The following PTPRS variants were observed in gnomAD, a reference collection of about 807,000 sequenced individuals.
PTPRS encodes receptor-type tyrosine-protein phosphatase S.
Under a neutral mutation model 215.3 loss-of-function variants are expected in PTPRS, and 63 were observed. The ratio of observed to expected loss-of-function variants is 0.29; its 90% CI spans 0.24 to 0.36. PTPRS has a LOEUF of 0.36. Among genes scored for constraint, PTPRS ranks in the 10% least tolerant of loss-of-function variants. PTPRS has a pLI of 1.00. For missense variants in PTPRS, 2,258 were observed against 2,825.8 expected, an observed-to-expected ratio of 0.80 and a Z score of 4.56; for synonymous variants, 1,404 against 1,191.4, an observed-to-expected ratio of 1.18 and a Z score of -3.68.
chr19:5,327,643 A>G (rs1193947582), intron 1 of PTPRS, among the ~76,000 whole-genome samples: 2 of 151,948 alleles, frequency 1.3e-5, no homozygotes, highest in Non-Finnish European at 2.9e-5. Context: ...TCGCTCTGTT[A>G]CCCAGAGTGC....
chr19:5,339,226 A>G lies in PTPRS; in HGVS notation c.-95+1438T>C, dbSNP rs1182293092. 1.3e-5 allele frequency among the ~76,000 whole-genome samples: 2 copies of G among 151,844 alleles called. No homozygotes were observed. Among genetic ancestry groups the G allele is most frequent in the African/African-American group, 2.4e-5 (1 of 41,336 alleles). On this transcript the variant is annotated intron_variant, in intron 1 of 37. Coordinates refer to ENST00000262963, the MANE Select transcript of PTPRS (RefSeq NM_002850.4). This position sits in a 1 kb window ranked among gnomAD's most constrained non-coding sequence, Gnocchi z 4.2. ...ACAGGGGAATCCCAGCTGAGCCCAG[A>G]AGGGGGAGGCAAGGCACCCCCAATG...
At chr19:5,324,300 A>G (rs1453455207) in intron 1 of PTPRS, among the ~76,000 whole-genome samples, 1 of 151,402 alleles carries the variant, frequency 6.6e-6, no homozygotes, top group East Asian at 1.9e-4. Context: ...TACTCAGCGC[A>G]CAGTCCGGCA....
chr19:5,333,169 A>C (rs1045403317), intron 1 of PTPRS, among the ~76,000 whole-genome samples: 79 of 150,092 alleles, frequency 5.3e-4, no homozygotes, highest in Non-Finnish European at 2.5e-4. Context: ...AAAATAAAAA[A>C]TAAATAAAAA....
At position 5,293,325 on chromosome 19, in the gene PTPRS, G is replaced by A. The variant is rs1477484496; in HGVS notation, c.-94-7091C>T. ...GGGCTGTAGGGGGCGGGGTTGCAGT[G>A]GGCGGGGCTGCAGGGGACGGGCCCC... On this transcript the variant is annotated intron_variant, in intron 1 of 37. Coordinates refer to ENST00000262963, the MANE Select transcript of PTPRS (RefSeq NM_002850.4). This position sits in a 1 kb window ranked among gnomAD's most constrained non-coding sequence, Gnocchi z 8.4. The A allele has an allele frequency of 1.1e-4, 16 of 151,160 alleles. No individual in the cohort carries two copies. The highest frequency in any genetic ancestry group is 2.1e-4 in the Non-Finnish European group (14 of 67,562). 9.4% of individuals were successfully genotyped at this position (151,160 alleles called of 1,614,324 possible). A position where few individuals can be genotyped will look rare whatever the true frequency, so the allele number is the denominator to read the frequency against.
Position 5,292,283 on chromosome 19 carries a change from A to G in PTPRS, c.-94-6049T>C, listed in dbSNP as rs138987385. 2.4e-4 allele frequency among the ~76,000 whole-genome samples: 36 copies of G among 152,344 alleles called. No individual in the cohort carries two copies. The East Asian group carries it at 5.8e-3, about 25-fold the overall frequency. On this transcript the variant is annotated intron_variant, in intron 1 of 37. Coordinates refer to ENST00000262963, the MANE Select transcript of PTPRS (RefSeq NM_002850.4). ...GGTTTCAGAGGTAGAAACTGAGACCATAGACAGAGACCACCCCAGGCAATG... is the reference window on the plus strand; with the variant it reads ...GGTTTCAGAGGTAGAAACTGAGACCGTAGACAGAGACCACCCCAGGCAATG...
intron 13 of PTPRS, among the ~76,000 whole-genome samples, chr19:5,232,813 A>G (rs1472591086): frequency 2.0e-5 from 3 of 151,912 alleles, no homozygotes; most frequent in African/African-American, 7.3e-5. Flanking sequence ...AAAATAATCT[A>G]TATGTCAAAC....
chr19:5,303,070 A>T (rs953059792), intron 1 of PTPRS, among the ~76,000 whole-genome samples: 1 of 151,908 alleles, frequency 6.6e-6, no homozygotes, highest in African/African-American at 2.4e-5. Flanking sequence ...ACCCCGTCTC[A>T]AAAACAAAAA....
intron 2 of PTPRS, among the ~76,000 whole-genome samples, chr19:5,276,734 G>A (rs1389773941): frequency 6.6e-6 from 1 of 151,698 alleles, no homozygotes; most frequent in Non-Finnish European, 1.5e-5. Flanking sequence ...GTAGAGATGG[G>A]GGTTTCACCG....
intron 2 of PTPRS, among the ~76,000 whole-genome samples, chr19:5,283,211 T>C (rs2048020467): frequency 7.0e-6 from 1 of 143,264 alleles, no homozygotes; most frequent in Admixed American, 6.9e-5. Flanking sequence ...AAGGCCCCAC[T>C]GGACCTGAAG....
chr19:5,229,605 C>A lies in PTPRS; in HGVS notation c.2235G>T (p.Ala745=). The A allele has an allele frequency of 1.4e-6, 2 of 1,419,946 alleles. No homozygotes were observed. The highest frequency in any genetic ancestry group is 2.8e-5 in the Admixed American group (1 of 35,946). 88.0% of individuals were successfully genotyped at this position (1,419,946 alleles called of 1,614,324 possible). The stretch of plus-strand genomic sequence containing the variant: ...GGATCTGGCCGTGCTGCCGGCCGGG[C>A]GCGGGCGAGCGCCACAGCACGCGGA... ...TAIRVLWRSP[A]PGRQHGQIRG... Residue 745 remains alanine, a synonymous_variant, in exon 15 of 38, where the codon GCG becomes GCT. Coordinates refer to ENST00000262963, the MANE Select transcript of PTPRS (RefSeq NM_002850.4).
At chr19:5,246,486 C>G (rs2044491918) in intron 9 of PTPRS, among the ~76,000 whole-genome samples, 1 of 152,252 alleles carries the variant, frequency 6.6e-6, no homozygotes, top group South Asian at 2.1e-4. Flanking sequence ...ACAGCAGTGG[C>G]TTCAGGGAGC....
At chr19:5,247,620 C>G (rs1048386375) in intron 9 of PTPRS, among the ~76,000 whole-genome samples, 1 of 152,096 alleles carries the variant, frequency 6.6e-6, no homozygotes, top group Non-Finnish European at 1.5e-5. Context: ...ACTGGAGGCT[C>G]AGTTAGGATC....
rs561585885 is a variant in PTPRS at position 5,293,247 on chromosome 19, C to G, written c.-94-7013G>C. ...CCCGGAGCGCGGCGCGCAGCGAAGACTCGGGAGAGGCCTCGGCCTGGGGAG... is the reference window on the plus strand; with the variant it reads ...CCCGGAGCGCGGCGCGCAGCGAAGAGTCGGGAGAGGCCTCGGCCTGGGGAG... On this transcript the variant is annotated intron_variant, in intron 1 of 37. Transcript: ENST00000262963. The surrounding 1 kb of genome is among the most constrained non-coding windows in gnomAD (Gnocchi z 8.4). The G allele has an allele frequency of 1.3e-5, 2 of 150,780 alleles. No homozygotes were observed. The highest frequency in any genetic ancestry group is 2.1e-4 in the South Asian group (1 of 4,762). 9.3% of individuals were successfully genotyped at this position (150,780 alleles called of 1,614,324 possible).
chr19:5,268,187 A>T (rs62115094), intron 4 of PTPRS, among the ~76,000 whole-genome samples: 43,119 of 150,150 alleles, frequency 0.29, 6,325 homozygotes, highest in Admixed American at 0.37. Context: ...ATAAATAAAT[A>T]AATTAATTAA....
At position 5,293,339 on chromosome 19, in the gene PTPRS, G is replaced by T. The variant is rs1460226673; in HGVS notation, c.-94-7105C>A. 1.3e-5 allele frequency: 2 copies of T among 151,200 alleles called. No homozygotes were observed. The highest frequency in any genetic ancestry group is 1.3e-4 in the Admixed American group (2 of 15,228). 9.4% of individuals were successfully genotyped at this position (151,200 alleles called of 1,614,324 possible). A position where few individuals can be genotyped will look rare whatever the true frequency, so the allele number is the denominator to read the frequency against. On this transcript the variant is annotated intron_variant, in intron 1 of 37. Transcript: ENST00000262963. The surrounding 1 kb of genome is among the most constrained non-coding windows in gnomAD (Gnocchi z 8.4). ...GGGGTTGCAGTGGGCGGGGCTGCAG[G>T]GGACGGGCCCCGAGGAGGGGGATTG...
Position 5,215,342 on chromosome 19 carries a change from T to G in PTPRS, c.4265A>C (p.Tyr1422Ser). 6.2e-7 allele frequency: 1 copy of G among 1,614,178 alleles called. No individual in the cohort carries two copies. The highest frequency in any genetic ancestry group is 8.5e-7 in the Non-Finnish European group (1 of 1,180,022). ...NLEVNKPKNR[Y>S]ANVIAYDHSR... is the part of the protein sequence containing the mutation. ...GTGGTCATAGGCGATGACGTTGGCA[T>G]AGCGGTTCTTCGGCTTGTTCACTTC... Residue 1422 changes from tyrosine to serine, a missense_variant, in exon 28 of 38, where the codon TAT (tyrosine) becomes TCT (serine). By Grantham distance (144) the Tyr-to-Ser change is moderately radical (BLOSUM62 -2). This residue lies in a region of PTPRS where 927 missense variants were observed against 1,125.9 expected (regional missense o/e 0.82). Transcript: ENST00000262963.
chr19:5,317,510 T>C (rs949665577), intron 1 of PTPRS, among the ~76,000 whole-genome samples: 2 of 151,952 alleles, frequency 1.3e-5, no homozygotes, highest in African/African-American at 4.8e-5. Context: ...AAATGAGCAA[T>C]CAGAGAGGTT....
chr19:5,257,985 C>T lies in PTPRS; in HGVS notation c.706+32G>A. On this transcript the variant is annotated intron_variant, in intron 8 of 37. Transcript: ENST00000262963. This position sits in a 1 kb window ranked among gnomAD's most constrained non-coding sequence, Gnocchi z 4.4. Reference sequence around the variant, plus strand: ...GGAGGGGGATGGGACGGGGCGGGTCCCTGCCTTTGACCTGGACGCGGCGTT... The same window carrying T: ...GGAGGGGGATGGGACGGGGCGGGTCTCTGCCTTTGACCTGGACGCGGCGTT... 1 of 1,583,510 alleles carries T rather than the reference C, an allele frequency of 6.3e-7. No individual in the cohort carries two copies.
At chr19:5,240,108 G>A (rs926516419) in intron 12 of PTPRS, 91 bp downstream of exon 12, 4 of 1,362,048 alleles carry the variant, frequency 2.9e-6, no homozygotes, top group African/African-American at 3.0e-5. Context: ...GCACACATAG[G>A]GACAAAGAGG....
Sources: gnomAD v4.1 joint callset for allele counts (sites outside exome capture counted in the v4.1 genomes callset) on GRCh38, gnomAD v4.1.1 for gene constraint, gnomAD v4.1.1 regional missense constraint, Gnocchi (gnomAD v3.1) non-coding constraint, MANE v1.5 for transcripts, NCBI Gene and HGNC (gene_info 2026-07-23, HGNC 2026-07-21) for gene names.